MSRB1: variants seen among roughly 807,000 people sequenced by gnomAD.
MSRB1 encodes methionine-R-sulfoxide reductase B1.
Under a neutral mutation model 15.2 loss-of-function variants are expected in MSRB1, and 13 were observed. That is an observed-to-expected ratio of 0.86 (90% confidence interval 0.56 to 1.36). MSRB1 has a LOEUF of 1.36. MSRB1 is among the 40% of genes most tolerant of loss of function. The probability of loss-of-function intolerance (pLI) is 0.00; values close to 1 mark genes in which losing one functional copy is unlikely to be tolerated. For synonymous variants in MSRB1, 68 were observed against 64.5 expected (o/e 1.05, Z -0.26); for missense variants, 174 against 155.9 (o/e 1.12, Z -0.62).
chr16:1,940,562 G>A (rs1385635554), intron 3 of MSRB1, among the ~76,000 whole-genome samples: 1 of 152,176 alleles, frequency 6.6e-6, no homozygotes, highest in Admixed American at 6.5e-5. Flanking sequence ...GCCCCTTTTT[G>A]GGACAGTCAT....
chr16:1,939,217 G>A (rs553821837), intron 3 of MSRB1, 74 bp from the exon 4 acceptor site: 1 of 1,496,272 alleles, frequency 6.7e-7, no homozygotes, highest in Non-Finnish European at 9.0e-7. Context: ...GGGCGCGGGG[G>A]CGGTGGAAAG....
In MSRB1 at chr16:1,938,814, C is replaced by A. The variant is rs1313062616; in HGVS notation, c.*298G>T. 3.8e-5 allele frequency: 19 copies of A among 503,534 alleles called. No individual in the cohort carries two copies. The highest frequency in any genetic ancestry group is 4.9e-5 in the Non-Finnish European group (14 of 284,466). 31.2% of individuals were successfully genotyped at this position (503,534 alleles called of 1,614,324 possible). On this transcript the variant is annotated 3_prime_UTR_variant, in exon 4 of 4. Coordinates refer to ENST00000361871, the MANE Select transcript of MSRB1 (RefSeq NM_016332.4). ...GGGTGTAACGTCATTCAGAGACCAG[C>A]TGCACCCAGGGCTCACCTCCTGGAG...
chr16:1,939,043 C>T lies in MSRB1; in HGVS notation c.*69G>A. On this transcript the variant is annotated 3_prime_UTR_variant, in exon 4 of 4. Coordinates refer to ENST00000361871, the MANE Select transcript of MSRB1 (RefSeq NM_016332.4). ...CCTGTCTCGACGCCCAGGGTTCCAA[C>T]TCCAAGGTGGAATGGCCAACGTGTG... 6.3e-7 allele frequency: 1 copy of T among 1,589,722 alleles called. No individual in the cohort carries two copies. The highest frequency in any genetic ancestry group is 8.6e-7 in the Non-Finnish European group (1 of 1,161,564).
At chr16:1,941,115 A>G (rs757428873) in intron 2 of MSRB1, 142 bp downstream of exon 2, 3 of 1,551,698 alleles carry the variant, frequency 1.9e-6, no homozygotes, top group Non-Finnish European at 2.6e-6. Flanking sequence ...CTGGGGTGGC[A>G]GCTCCCTGGC....
At chr16:1,941,655 C>A in intron 1 of MSRB1, 1 of 566,302 alleles carries the variant, frequency 1.8e-6, no homozygotes, top group Non-Finnish European at 3.1e-6. Flanking sequence ...CGGGGCATAT[C>A]CTAACATTTC....
In MSRB1 at chr16:1,941,310, G is replaced by C; in HGVS notation, c.151C>G (p.His51Asp). The change falls in exon 2 of 4, where the codon CAC (histidine) becomes GAC (aspartate). Residue 51 changes from histidine (H) to aspartate (D), a missense_variant. His to Asp is a moderately conservative substitution (Grantham distance 81, BLOSUM62 -1). Coordinates refer to ENST00000361871, the MANE Select transcript of MSRB1 (RefSeq NM_016332.4). ...SPWPAFTETI[H>D]ADSVAKRPEH... ...GGACGCTTGGCCACGCTGTCGGCGT[G>C]AATGGTCTCGGTGAACGCCGGCCAT... 1 of 1,613,880 alleles carries C rather than the reference G, an allele frequency of 6.2e-7. No individual in the cohort carries two copies. Among genetic ancestry groups the C allele is most frequent in the Non-Finnish European group, 8.5e-7 (1 of 1,179,988 alleles).
rs1384795191 is a variant in MSRB1 at position 1,939,133 on chromosome 16, AG to A, written c.329del (p.Thr110IlefsTer?). The A allele has an allele frequency of 1.2e-6, 2 of 1,608,426 alleles. No homozygotes were observed. Among genetic ancestry groups the A allele is most frequent in the Non-Finnish European group, 1.7e-6 (2 of 1,178,360 alleles). ...CCGCCTAGTGACCCTGGGAGGCAGA[AG>A]TTTCTTTGCCTGAAAGAGAGGAGAG... The part of the protein sequence containing the change: ...SLKFVPKGKE[T>X]SASQGH On this transcript the variant is annotated frameshift_variant, in exon 4 of 4. Coordinates refer to ENST00000361871, the MANE Select transcript of MSRB1 (RefSeq NM_016332.4). LOFTEE classifies it high-confidence loss of function.
At chr16:1,940,547 CTGAAGCCCCTTTTTGGGACAG>C (rs1221386849) in intron 3 of MSRB1, among the ~76,000 whole-genome samples, 1 of 152,272 alleles carries the variant, frequency 6.6e-6, no homozygotes, top group Non-Finnish European at 1.5e-5. Context: ...CATTCTCACG[CTGAAGCCCCTTTTTGGGACAG>C]TCATGATCAA....
chr16:1,940,715 G>A (rs920512270), intron 3 of MSRB1, 63 bp downstream of exon 3: 1 of 1,545,238 alleles, frequency 6.5e-7, no homozygotes, highest in Non-Finnish European at 8.8e-7. Context: ...CACAAACACT[G>A]GGCCCCCCAG....
At chr16:1,942,737 GC>G (rs1390979476) in intron 1 of MSRB1, among the ~76,000 whole-genome samples, 3 of 152,226 alleles carry the variant, frequency 2.0e-5, no homozygotes, top group African/African-American at 7.2e-5. Context: ...CCTCTCCGAA[GC>G]CCCGACCCTA....
In MSRB1 at chr16:1,941,308, G is replaced by GT. The variant is rs1567306664; in HGVS notation, c.152dup (p.His51GlnfsTer13). ...CCGGACGCTTGGCCACGCTGTCGGC[G>GT]TGAATGGTCTCGGTGAACGCCGGCC... On this transcript the variant is annotated frameshift_variant, in exon 2 of 4. Coordinates refer to ENST00000361871, the MANE Select transcript of MSRB1 (RefSeq NM_016332.4). LOFTEE classifies it high-confidence loss of function. 1 of 1,613,816 alleles carries GT rather than the reference G, an allele frequency of 6.2e-7. No individual in the cohort carries two copies. Among genetic ancestry groups the GT allele is most frequent in the Non-Finnish European group, 8.5e-7 (1 of 1,180,000 alleles).
intron 1 of MSRB1, among the ~76,000 whole-genome samples, chr16:1,942,132 T>G (rs1236684223): frequency 2.6e-5 from 4 of 152,184 alleles, no homozygotes; most frequent in Non-Finnish European, 5.9e-5. Flanking sequence ...CCCTGGAGAC[T>G]GTAAACTACC....
At chr16:1,939,396 C>A (rs570319244) in intron 3 of MSRB1, among the ~76,000 whole-genome samples, 1 of 152,132 alleles carries the variant, frequency 6.6e-6, no homozygotes, top group South Asian at 2.1e-4. Flanking sequence ...ACAGGAGAAC[C>A]CAGAATCTCT....
At chr16:1,940,147 C>T (rs538555732) in intron 3 of MSRB1, among the ~76,000 whole-genome samples, 1 of 152,162 alleles carries the variant, frequency 6.6e-6, no homozygotes, top group African/African-American at 2.4e-5. Context: ...TGATGCGTGC[C>T]TGCAATCCCA....
At chr16:1,943,013 A>C in intron 1 of MSRB1, 89 bp downstream of exon 1, 3 of 1,510,776 alleles carry the variant, frequency 2.0e-6, no homozygotes, top group Non-Finnish European at 2.7e-6. Context: ...CCGGCTTGGG[A>C]GAGACATCAC....
At chr16:1,942,742 G>A (rs1266071377) in intron 1 of MSRB1, among the ~76,000 whole-genome samples, 9 of 152,328 alleles carry the variant, frequency 5.9e-5, no homozygotes, top group Admixed American at 5.2e-4. Context: ...CCGAAGCCCC[G>A]ACCCTAACCC....
chr16:1,940,063 G>A (rs184334410), intron 3 of MSRB1, among the ~76,000 whole-genome samples: 1 of 151,980 alleles, frequency 6.6e-6, no homozygotes, highest in Non-Finnish European at 1.5e-5. Context: ...CCTGAGGTCA[G>A]GAGTTTAAGA....
rs374581291 is a variant in MSRB1 at position 1,942,280 on chromosome 16, G to A, written c.55+822C>T. ...GAGTCTTGCTGGGGGAGGCTTTGCC[G>A]GGATGGTCCTGTGTCACAGCCCAAC... On this transcript the variant is annotated intron_variant, in intron 1 of 3. Coordinates refer to ENST00000361871, the MANE Select transcript of MSRB1 (RefSeq NM_016332.4). Among the ~76,000 whole-genome samples, 7 of 152,358 alleles carry A rather than the reference G, an allele frequency of 4.6e-5. No homozygotes were observed. The East Asian group carries it at 5.8e-4, about 13-fold the overall frequency.
At chr16:1,942,597 A>G (rs1013760968) in intron 1 of MSRB1, among the ~76,000 whole-genome samples, 3 of 152,240 alleles carry the variant, frequency 2.0e-5, no homozygotes, top group African/African-American at 7.2e-5. Flanking sequence ...TGAAGGGGAC[A>G]TTCTATGCTT....
Sources: allele counts gnomAD v4.1 joint callset (sites outside exome capture counted in the v4.1 genomes callset), GRCh38; gene constraint gnomAD v4.1.1; transcripts MANE v1.5; gene names NCBI Gene and HGNC (gene_info 2026-07-23, HGNC 2026-07-21).